The following CAB39 variants were observed in gnomAD, a reference collection of about 807,000 sequenced individuals.
CAB39 encodes calcium-binding protein 39.
Under a neutral mutation model 40.0 loss-of-function variants are expected in CAB39, and 8 were observed. The observed-to-expected ratio is 0.20, with a 90% CI of 0.12 to 0.36. The LOEUF (loss-of-function observed/expected upper bound fraction) is 0.36. CAB39 is among the 10% of genes least tolerant of loss of function. CAB39 has a pLI of 1.00. For synonymous variants in CAB39, 156 were observed against 141.6 expected, an observed-to-expected ratio of 1.10 and a Z score of -0.72; for missense variants, 270 against 401.1, an observed-to-expected ratio of 0.67 and a Z score of 2.79.
chr2:230,730,602 C>G (rs759788417), intron 1 of CAB39, among the ~76,000 whole-genome samples: 37 of 152,002 alleles, frequency 2.4e-4, no homozygotes, highest in Non-Finnish European at 4.4e-4. Flanking sequence ...TGCCACCACA[C>G]CCGGCTAATT....
Position 230,818,882 on chromosome 2 carries a change from C to G in CAB39, c.*178C>G, listed in dbSNP as rs879355943. On this transcript the variant is annotated 3_prime_UTR_variant, in exon 9 of 9. Transcript: ENST00000258418. ...TGGAGATCGTAGCTGCTGCTGCTTG[C>G]ACACTAGGGCACATGTGGGCTTTCT... The G allele has an allele frequency of 4.8e-5, 26 of 539,766 alleles. No homozygotes were observed. Among genetic ancestry groups the G allele is most frequent in the Middle Eastern group, 9.6e-4 (2 of 2,086 alleles). 33.4% of individuals were successfully genotyped at this position (539,766 alleles called of 1,614,324 possible).
At chr2:230,724,889 G>A (rs143933032) in intron 1 of CAB39, among the ~76,000 whole-genome samples, 5,978 of 151,582 alleles carry the variant, frequency 0.039, 410 homozygotes, top group African/African-American at 0.14. Context: ...GGATGGGGCC[G>A]GGAATCCATT....
At chr2:230,730,180 G>T (rs928344106) in intron 1 of CAB39, among the ~76,000 whole-genome samples, 14 of 152,110 alleles carry the variant, frequency 9.2e-5, no homozygotes, top group East Asian at 1.9e-4. Flanking sequence ...CACGATCATG[G>T]TTCACTTCAG....
Position 230,810,306 on chromosome 2 carries a change from A to G in CAB39, c.611A>G (p.Glu204Gly). Residue 204 changes from glutamate to glycine, a missense_variant, in exon 6 of 9, where the codon GAA (glutamate) becomes GGA (glycine). Physicochemically the swap from Glu to Gly is moderately conservative, Grantham distance 98. Coordinates refer to ENST00000258418, the MANE Select transcript of CAB39 (RefSeq NM_016289.4). ...RHKLLSAEFL[E>G]QHYDRFFSEY... is the part of the protein sequence containing the mutation. ...AAATTGCTCAGTGCAGAATTTTTGG[A>G]ACAGCATTATGATAGAGTAAGTATA... 1 of 1,401,204 alleles carries G rather than the reference A, an allele frequency of 7.1e-7. No individual in the cohort carries two copies. The highest frequency in any genetic ancestry group is 9.9e-7 in the Non-Finnish European group (1 of 1,013,678). The allele number at this position is 1,401,204 out of a possible 1,614,324, so 86.8% of individuals were successfully genotyped here. A position where few individuals can be genotyped will look rare whatever the true frequency, so the allele number is the denominator to read the frequency against.
rs549804302 is a variant in CAB39 at position 230,804,737 on chromosome 2, T to A, written c.568-5526T>A. Among the ~76,000 whole-genome samples the A allele has an allele frequency of 2.1e-4, 32 of 152,192 alleles. No homozygotes were observed. In the South Asian group the frequency reaches 6.7e-3, roughly 32 times the overall value. ...AGTTAGAATGGCGATCATTAAAAAG[T>A]CAGGAAACAACAGGTGCTGGAGAGG... is the stretch of plus-strand genomic sequence containing the variant. On this transcript the variant is annotated intron_variant, in intron 5 of 8. Coordinates refer to ENST00000258418, the MANE Select transcript of CAB39 (RefSeq NM_016289.4).
In CAB39 at chr2:230,717,063, T is replaced by G. The variant is rs552154366; in HGVS notation, c.-44+3833T>G. 9.2e-5 allele frequency among the ~76,000 whole-genome samples: 14 copies of G among 152,320 alleles called. No individual in the cohort carries two copies. The South Asian group carries it at 2.5e-3, about 27-fold the overall frequency. On this transcript the variant is annotated intron_variant, in intron 1 of 8. Transcript: ENST00000258418. ...ATTCATTTTCCTCTTTTTCATTGCT[T>G]CTTTTAATTGGGCATTTGATTTTAT...
chr2:230,783,652 C>G lies in CAB39; in HGVS notation c.115-7220C>G, dbSNP rs548287288. On this transcript the variant is annotated intron_variant, in intron 2 of 8. Coordinates refer to ENST00000258418, the MANE Select transcript of CAB39 (RefSeq NM_016289.4). ...TAGCTGGGACCATAGGCATGCACCA[C>G]TATGCCCAGCTAATTTTTTGTATTT... Among the ~76,000 whole-genome samples the G allele has an allele frequency of 2.0e-5, 3 of 150,862 alleles. No individual in the cohort carries two copies. In the East Asian group the frequency reaches 5.9e-4, roughly 30 times the overall value.
intron 5 of CAB39, among the ~76,000 whole-genome samples, chr2:230,804,134 A>G (rs1268997014): frequency 7.9e-5 from 12 of 152,228 alleles, no homozygotes; most frequent in Non-Finnish European, 1.5e-5. Context: ...ACCTGACAAA[A>G]ACAAGAAATG....
At chr2:230,797,299 A>G (rs1696002921) in intron 4 of CAB39, among the ~76,000 whole-genome samples, 1 of 152,218 alleles carries the variant, frequency 6.6e-6, no homozygotes, top group South Asian at 2.1e-4. Context: ...GGGCTGTCCA[A>G]TATAGTAGCT....
intron 5 of CAB39, among the ~76,000 whole-genome samples, chr2:230,808,870 A>G (rs1490911209): frequency 6.6e-6 from 1 of 152,230 alleles, no homozygotes; most frequent in Non-Finnish European, 1.5e-5. Flanking sequence ...TGGTTCATTC[A>G]TTGATTTATT....
chr2:230,754,087 G>T (rs1695137593), intron 1 of CAB39, among the ~76,000 whole-genome samples: 1 of 152,170 alleles, frequency 6.6e-6, no homozygotes, highest in African/African-American at 2.4e-5. Context: ...AAGGCCAGAG[G>T]CTGTGCTGTG....
chr2:230,803,089 T>G (rs56981833), intron 5 of CAB39, among the ~76,000 whole-genome samples: 8,585 of 152,162 alleles, frequency 0.056, 828 homozygotes, highest in African/African-American at 0.19. Flanking sequence ...TTCGATGCAA[T>G]GCTGGTTCAA....
At chr2:230,741,567 C>T (rs1225999062) in intron 1 of CAB39, among the ~76,000 whole-genome samples, 1 of 152,102 alleles carries the variant, frequency 6.6e-6, no homozygotes, top group African/African-American at 2.4e-5. Context: ...TCTCTAATTC[C>T]TAGCCTCAAG....
chr2:230,792,180 AT>A (rs1695903831), intron 3 of CAB39, among the ~76,000 whole-genome samples: 1 of 152,200 alleles, frequency 6.6e-6, no homozygotes, highest in Non-Finnish European at 1.5e-5. Flanking sequence ...GATTTCATGT[AT>A]TTTTAATAAT....
chr2:230,794,613 C>G (rs1695948510), intron 4 of CAB39, among the ~76,000 whole-genome samples: 1 of 152,188 alleles, frequency 6.6e-6, no homozygotes, highest in Non-Finnish European at 1.5e-5. Flanking sequence ...AGAGCTCTCA[C>G]CTGTGCTGGC....
At chr2:230,781,415 C>T (rs888752164) in intron 2 of CAB39, among the ~76,000 whole-genome samples, 27 of 152,080 alleles carry the variant, frequency 1.8e-4, no homozygotes, top group Non-Finnish European at 5.9e-5. Flanking sequence ...ATTGGTGAAC[C>T]GAATGTGCAC....
chr2:230,797,096 CAG>C (rs1232580830), intron 4 of CAB39, among the ~76,000 whole-genome samples: 2 of 152,188 alleles, frequency 1.3e-5, no homozygotes, highest in African/African-American at 2.4e-5. Flanking sequence ...TTTATTATGA[CAG>C]AGCTTGAACA....
intron 1 of CAB39, among the ~76,000 whole-genome samples, chr2:230,741,248 G>A (rs1227740540): frequency 6.6e-6 from 1 of 152,230 alleles, no homozygotes; most frequent in Non-Finnish European, 1.5e-5. Context: ...GGTTAGTGTG[G>A]AGATGGTTAT....
At chr2:230,744,681 T>G (rs1694942973) in intron 1 of CAB39, among the ~76,000 whole-genome samples, 1 of 152,266 alleles carries the variant, frequency 6.6e-6, no homozygotes, top group Non-Finnish European at 1.5e-5. Flanking sequence ...AGAAAGAATT[T>G]AAGGGAGCTT....
Sources: gnomAD v4.1 joint callset for allele counts (sites outside exome capture counted in the v4.1 genomes callset) on GRCh38, gnomAD v4.1.1 for gene constraint, MANE v1.5 for transcripts, NCBI Gene and HGNC (gene_info 2026-07-23, HGNC 2026-07-21) for gene names.